The following RBKS variants were observed in gnomAD, a reference collection of about 807,000 sequenced individuals.
RBKS encodes ribokinase.
In RBKS, 33 loss-of-function variants were observed where a neutral mutation model predicts 33.9. That is an observed-to-expected ratio of 0.97 (90% CI 0.74 to 1.30). RBKS has a LOEUF of 1.30. Among genes scored for constraint, RBKS ranks in the 50% most tolerant of loss-of-function variants. The pLI, the probability that RBKS is intolerant of heterozygous loss-of-function variation, is 0.00. For synonymous variants in RBKS, 125 were observed against 143.0 expected (o/e 0.87, Z 0.90); for missense variants, 361 against 392.6 (o/e 0.92, Z 0.68).
At chr2:27,783,010 T>C (rs1055384172) in intron 7 of RBKS, among the ~76,000 whole-genome samples, 11 of 152,234 alleles carry the variant, frequency 7.2e-5, no homozygotes, top group Admixed American at 3.3e-4. Context: ...GTTTTATTCT[T>C]TGGGCTATAA....
chr2:27,794,025 C>T (rs899164539), intron 7 of RBKS, among the ~76,000 whole-genome samples: 2 of 151,922 alleles, frequency 1.3e-5, no homozygotes, highest in East Asian at 1.9e-4. Flanking sequence ...GGGGGCTGGG[C>T]GCGGTGGCTC....
At chr2:27,829,274 T>A (rs553359934) in intron 6 of RBKS, among the ~76,000 whole-genome samples, 2 of 152,100 alleles carry the variant, frequency 1.3e-5, no homozygotes, top group South Asian at 4.1e-4. Context: ...TGTAGCATTA[T>A]GTTTTTCATT....
chr2:27,869,747 TG>T, intron 1 of RBKS: 2 of 182,156 alleles, frequency 1.1e-5, no homozygotes, highest in Non-Finnish European at 2.2e-5. Flanking sequence ...CGGTCCTATC[TG>T]GGGGTGACGG....
chr2:27,852,881 T>C (rs1663778735), intron 2 of RBKS, among the ~76,000 whole-genome samples: 1 of 152,208 alleles, frequency 6.6e-6, no homozygotes, highest in South Asian at 2.1e-4. Context: ...AGTGAACAGC[T>C]GGTTGAGGAG....
rs1678555159 is a variant in RBKS at position 27,837,811 on chromosome 2, A to G, written c.515-5034T>C. Among the ~76,000 whole-genome samples, 2 of 152,182 alleles carry G rather than the reference A, an allele frequency of 1.3e-5. No homozygotes were observed. The highest frequency in any genetic ancestry group is 2.1e-4 in the South Asian group (1 of 4,832). On this transcript the variant is annotated intron_variant, in intron 5 of 7. Coordinates refer to ENST00000302188, the MANE Select transcript of RBKS (RefSeq NM_022128.3). This position sits in a 1 kb window ranked among gnomAD's most constrained non-coding sequence, Gnocchi z 4.0. ...GGACAGAAAGATGGGAACAACAGAC[A>G]CTACAGAGTACTGGAGCAGGGAGGG...
In RBKS at chr2:27,784,494, T is replaced by C. The variant is rs186118813; in HGVS notation, c.796-2706A>G. On this transcript the variant is annotated intron_variant, in intron 7 of 7. Coordinates refer to ENST00000302188, the MANE Select transcript of RBKS (RefSeq NM_022128.3). Reference sequence around the variant, plus strand: ...AATCCATTGTGGATTAAATGCTAAATAGTATTGCAGAATTTATAAGTACTG... The same window carrying C: ...AATCCATTGTGGATTAAATGCTAAACAGTATTGCAGAATTTATAAGTACTG... Among the ~76,000 whole-genome samples, 186 of 152,300 alleles carry C rather than the reference T, an allele frequency of 1.2e-3. 1 individual carries two copies. The highest frequency in any genetic ancestry group is 4.2e-3 in the African/African-American group (173 of 41,566).
chr2:27,844,326 C>G (rs922450602), intron 4 of RBKS, among the ~76,000 whole-genome samples: 4 of 149,254 alleles, frequency 2.7e-5, no homozygotes, highest in African/African-American at 4.9e-5. Flanking sequence ...AAAATACAAG[C>G]GGATTTCAAA....
intron 5 of RBKS, among the ~76,000 whole-genome samples, chr2:27,836,945 G>T (rs554521875): frequency 1.3e-4 from 19 of 150,676 alleles, no homozygotes; most frequent in Non-Finnish European, 2.8e-4. Context: ...ACTATAATGA[G>T]ATACCATCTC....
intron 4 of RBKS, among the ~76,000 whole-genome samples, chr2:27,845,151 C>A (rs1160725965): frequency 6.6e-6 from 1 of 152,238 alleles, no homozygotes; most frequent in Non-Finnish European, 1.5e-5. Context: ...TCAGCTGCTG[C>A]TTCCATGTTG....
intron 7 of RBKS, among the ~76,000 whole-genome samples, chr2:27,791,613 TACACACACAC>T (rs59707075): frequency 7.1e-6 from 1 of 140,968 alleles, no homozygotes; most frequent in East Asian, 2.0e-4. Flanking sequence ...ATAATAAATC[TACACACACAC>T]ACACACACAC....
chr2:27,788,287 A>C (rs1306233579), intron 7 of RBKS, among the ~76,000 whole-genome samples: 1 of 152,244 alleles, frequency 6.6e-6, no homozygotes, highest in Non-Finnish European at 1.5e-5. Flanking sequence ...TTGAAAAGGA[A>C]GAAGTAAAAC....
At position 27,890,325 on chromosome 2, in the gene RBKS, G is replaced by A; in HGVS notation, c.21C>T (p.Pro7=). Residue 7 remains proline, a synonymous_variant, in exon 1 of 8, where the codon CCC becomes CCT. Coordinates refer to ENST00000302188, the MANE Select transcript of RBKS (RefSeq NM_022128.3). The surrounding 1 kb of genome is among the most constrained non-coding windows in gnomAD (Gnocchi z 4.8). ...CCACCTCCTCTTGCCACTGCCTCTG[G>A]GGTTCCCCAGACGCCGCCATCGCTC... MAASGE[P]QRQWQEEVAA... 6.2e-7 allele frequency: 1 copy of A among 1,613,674 alleles called. No homozygotes were observed. Among genetic ancestry groups the A allele is most frequent in the Non-Finnish European group, 8.5e-7 (1 of 1,179,980 alleles).
At chr2:27,879,576 G>A (rs932795265) in intron 1 of RBKS, among the ~76,000 whole-genome samples, 2 of 152,032 alleles carry the variant, frequency 1.3e-5, no homozygotes, top group Non-Finnish European at 2.9e-5. Flanking sequence ...AGATGCCCTT[G>A]ATCTTGGACT....
At chr2:27,845,297 T>G (rs1663601086) in intron 4 of RBKS, among the ~76,000 whole-genome samples, 2 of 152,208 alleles carry the variant, frequency 1.3e-5, no homozygotes, top group African/African-American at 4.8e-5. Context: ...CTAAACTCAT[T>G]ACTTTATCTT....
intron 7 of RBKS, among the ~76,000 whole-genome samples, chr2:27,789,470 C>T (rs894921343): frequency 1.3e-5 from 2 of 148,340 alleles, no homozygotes; most frequent in Non-Finnish European, 3.0e-5. Flanking sequence ...ATGATCTTGG[C>T]TCACTGTAAC....
intron 7 of RBKS, among the ~76,000 whole-genome samples, chr2:27,784,140 C>T (rs1273190406): frequency 6.0e-5 from 9 of 149,526 alleles, no homozygotes; most frequent in Non-Finnish European, 8.9e-5. Flanking sequence ...CCCGCCACTA[C>T]GCCCGGCTAA....
At chr2:27,885,416 C>A (rs2148234399) in intron 1 of RBKS, among the ~76,000 whole-genome samples, 1 of 152,278 alleles carries the variant, frequency 6.6e-6, no homozygotes, top group South Asian at 2.1e-4. Flanking sequence ...CCTCCACTAG[C>A]TTTTCATCTC....
chr2:27,789,550 C>T (rs1486032747), intron 7 of RBKS, among the ~76,000 whole-genome samples: 2 of 151,698 alleles, frequency 1.3e-5, no homozygotes, highest in Non-Finnish European at 2.9e-5. Flanking sequence ...AGATGTGTGC[C>T]ACCACACCTG....
At chr2:27,857,471 T>C (rs1326081778) in intron 2 of RBKS, among the ~76,000 whole-genome samples, 2 of 152,206 alleles carry the variant, frequency 1.3e-5, no homozygotes, top group East Asian at 3.8e-4. Flanking sequence ...TCTACATACA[T>C]GAAAACAAAA....
Sources: gnomAD v4.1 joint callset for allele counts (sites outside exome capture counted in the v4.1 genomes callset) on GRCh38, gnomAD v4.1.1 for gene constraint, Gnocchi (gnomAD v3.1) non-coding constraint, MANE v1.5 for transcripts, NCBI Gene and HGNC (gene_info 2026-07-23, HGNC 2026-07-21) for gene names.